The following BCO1 variants were observed in gnomAD, a reference collection of about 807,000 sequenced individuals.
BCO1 encodes the protein beta-carotene oxygenase 1.
BCO1 carries 54 observed loss-of-function variants against 56.3 expected under a neutral mutation model. The ratio of observed to expected loss-of-function variants is 0.96; its 90% CI spans 0.77 to 1.20. The LOEUF (loss-of-function observed/expected upper bound fraction) is 1.20. BCO1 is among the 50% of genes most tolerant of loss of function. BCO1 has a pLI of 0.00. For synonymous variants in BCO1, 318 were observed against 266.1 expected (o/e 1.20, Z -1.90); for missense variants, 801 against 690.9 (o/e 1.16, Z -1.79).
At chr16:81,276,399 C>T (rs1264534975) in intron 7 of BCO1, among the ~76,000 whole-genome samples, 1 of 152,168 alleles carries the variant, frequency 6.6e-6, no homozygotes, top group Non-Finnish European at 1.5e-5. Flanking sequence ...CCTGAAGGGC[C>T]CAGCCTTGCT....
At chr16:81,281,554 T>A (rs1018499405) in intron 8 of BCO1, among the ~76,000 whole-genome samples, 2 of 152,174 alleles carry the variant, frequency 1.3e-5, no homozygotes, top group Non-Finnish European at 2.9e-5. Context: ...GCACAATACA[T>A]TTCCATTTCT....
At chr16:81,244,666 C>A (rs1197514846) in intron 1 of BCO1, among the ~76,000 whole-genome samples, 1 of 151,706 alleles carries the variant, frequency 6.6e-6, no homozygotes, top group African/African-American at 2.4e-5. Context: ...CACCCGAGGG[C>A]TGTTCTGTTT....
chr16:81,257,879 CAAAAA>C (rs529236932), intron 2 of BCO1, among the ~76,000 whole-genome samples: 1 of 66,088 alleles, frequency 1.5e-5, no homozygotes. Context: ...GACTCCATCT[CAAAAA>C]AAAAAAAAAA....
chr16:81,256,818 G>A (rs1013623480), intron 2 of BCO1, among the ~76,000 whole-genome samples: 23 of 152,098 alleles, frequency 1.5e-4, no homozygotes, highest in South Asian at 8.3e-4. Context: ...AACCTGAGAC[G>A]TGGAGGTTAC....
intron 2 of BCO1, among the ~76,000 whole-genome samples, chr16:81,249,608 C>T (rs1905661618): frequency 1.3e-5 from 2 of 151,854 alleles, no homozygotes; most frequent in African/African-American, 4.8e-5. Flanking sequence ...ATCATGTTGG[C>T]CAGGCCGGTC....
chr16:81,253,613 C>T (rs1213656529), intron 2 of BCO1, among the ~76,000 whole-genome samples: 1 of 152,154 alleles, frequency 6.6e-6, no homozygotes, highest in East Asian at 1.9e-4. Context: ...GCTCAGGCTC[C>T]TAACCGTTCC....
At chr16:81,259,366 T>G (rs1383627718) in intron 2 of BCO1, among the ~76,000 whole-genome samples, 1 of 152,048 alleles carries the variant, frequency 6.6e-6, no homozygotes, top group East Asian at 1.9e-4. Context: ...TGGTGGCGCA[T>G]GCCTATAATC....
intron 6 of BCO1, among the ~76,000 whole-genome samples, chr16:81,269,841 G>A (rs1175016490): frequency 2.0e-5 from 3 of 152,196 alleles, no homozygotes; most frequent in Non-Finnish European, 1.5e-5. Flanking sequence ...GAGCTGGGAT[G>A]TCAGGACAAT....
intron 2 of BCO1, among the ~76,000 whole-genome samples, chr16:81,248,934 C>T (rs913001324): frequency 6.6e-6 from 1 of 152,106 alleles, no homozygotes; most frequent in Non-Finnish European, 1.5e-5. Context: ...ATTGCTTGAA[C>T]TCAAGAGGCA....
rs759438248 is a variant in BCO1, at chr16:81,287,306, T to C, written c.1314T>C (p.Tyr438=). Residue 438 remains tyrosine (Y), a synonymous_variant, in exon 10 of 11, where the codon TAT becomes TAC. Transcript: ENST00000258168. ...WSPIPTKIIK[Y]DILTKSSLKW... ...CGTTGGATGTACAGATAATAAAATA[T>C]GACATTCTCACAAAGTCATCCTTAA... The C allele has an allele frequency of 1.2e-6, 2 of 1,612,862 alleles. No individual in the cohort carries two copies. Among genetic ancestry groups the C allele is most frequent in the Non-Finnish European group, 1.7e-6 (2 of 1,178,856 alleles).
At chr16:81,253,498 G>C (rs1467290699) in intron 2 of BCO1, among the ~76,000 whole-genome samples, 1 of 152,120 alleles carries the variant, frequency 6.6e-6, no homozygotes, top group Non-Finnish European at 1.5e-5. Flanking sequence ...TTAGCAACAG[G>C]AATCCTGGCC....
In BCO1 at chr16:81,290,656, G is replaced by C; in HGVS notation, c.*79G>C. On this transcript the variant is annotated 3_prime_UTR_variant, in exon 11 of 11. Coordinates refer to ENST00000258168, the MANE Select transcript of BCO1 (RefSeq NM_017429.3). Reference sequence around the variant, plus strand: ...TATGTTTCTTTGGATGGAGGGGAGGGCCTTTGTTACCTTTTGCACTTATTC... The same window carrying C: ...TATGTTTCTTTGGATGGAGGGGAGGCCCTTTGTTACCTTTTGCACTTATTC... 14 of 1,201,508 alleles carry C rather than the reference G, an allele frequency of 1.2e-5. No individual in the cohort carries two copies. Among genetic ancestry groups the C allele is most frequent in the Non-Finnish European group, 1.7e-5 (14 of 828,186 alleles). 74.4% of individuals were successfully genotyped at this position (1,201,508 alleles called of 1,614,324 possible).
At chr16:81,279,933 C>T (rs1907768108) in intron 7 of BCO1, among the ~76,000 whole-genome samples, 3 of 152,038 alleles carry the variant, frequency 2.0e-5, no homozygotes, top group Admixed American at 2.0e-4. Context: ...AAATTAAAGT[C>T]CCCCCAATCC....
rs553746249 is a variant in BCO1, at chr16:81,248,008, G to A, written c.193+2405G>A. On this transcript the variant is annotated intron_variant, in intron 2 of 10. Transcript: ENST00000258168. ...TCTGTAAAATGGACATATCAATAGC[G>A]TATCTCATGGAGCTGCTATTAGATC... is the stretch of plus-strand genomic sequence containing the variant. Among the ~76,000 whole-genome samples, 33 of 152,196 alleles carry A rather than the reference G, an allele frequency of 2.2e-4. No homozygotes were observed. In the South Asian group the frequency reaches 3.1e-3, roughly 14 times the overall value.
chr16:81,255,707 G>A (rs978996954), intron 2 of BCO1, among the ~76,000 whole-genome samples: 3 of 151,828 alleles, frequency 2.0e-5, no homozygotes, highest in Non-Finnish European at 2.9e-5. Flanking sequence ...GGGTTTCACC[G>A]TATAGGCCAG....
intron 1 of BCO1, among the ~76,000 whole-genome samples, chr16:81,244,551 G>C (rs1402332482): frequency 6.6e-6 from 1 of 151,972 alleles, no homozygotes; most frequent in East Asian, 1.9e-4. Context: ...TACAGCTCTA[G>C]AATGTTCTTT....
At chr16:81,269,919 C>T (rs1025360502) in intron 6 of BCO1, among the ~76,000 whole-genome samples, 1 of 152,230 alleles carries the variant, frequency 6.6e-6, no homozygotes, top group African/African-American at 2.4e-5. Flanking sequence ...TGCAAAGACT[C>T]TGGCAGCAAA....
intron 7 of BCO1, among the ~76,000 whole-genome samples, chr16:81,280,310 TACACAC>T (rs768116413): frequency 0.016 from 417 of 26,670 alleles, 5 homozygotes; most frequent in Non-Finnish European, 0.027. Context: ...AAAAAAAAAT[TACACAC>T]ACACACAGAC....
At chr16:81,247,275 G>A (rs9924998) in intron 2 of BCO1, among the ~76,000 whole-genome samples, 1 of 152,120 alleles carries the variant, frequency 6.6e-6, no homozygotes, top group Admixed American at 6.5e-5. Flanking sequence ...AGTAAAATGA[G>A]CTTGTTCATC....
Sources: gnomAD v4.1 joint callset for allele counts (sites outside exome capture counted in the v4.1 genomes callset) on GRCh38, gnomAD v4.1.1 for gene constraint, MANE v1.5 for transcripts, NCBI Gene and HGNC (gene_info 2026-07-23, HGNC 2026-07-21) for gene names.